The following SPATS1 variants were observed in gnomAD, a reference collection of about 807,000 sequenced individuals.
The protein encoded by SPATS1 is spermatogenesis-associated serine-rich protein 1.
SPATS1 carries 23 observed loss-of-function variants against 33.6 expected under a neutral mutation model. The ratio of observed to expected loss-of-function variants is 0.68; its 90% CI spans 0.49 to 0.97. SPATS1 has a LOEUF of 0.97. Among genes scored for constraint, SPATS1 ranks in the 50% least tolerant of loss-of-function variants. The pLI, the probability that SPATS1 is intolerant of heterozygous loss-of-function variation, is 0.00. For missense variants in SPATS1, 327 were observed against 361.0 expected (o/e 0.91, Z 0.76); for synonymous variants, 131 against 125.6 (o/e 1.04, Z -0.29).
At chr6:44,356,164 G>T (rs1007565583) in intron 3 of SPATS1, among the ~76,000 whole-genome samples, 3 of 152,206 alleles carry the variant, frequency 2.0e-5, no homozygotes, top group Non-Finnish European at 4.4e-5. Context: ...ATCCTTCTGT[G>T]TTCCTTGTCT....
rs1488119932 is a variant in SPATS1 at position 44,377,079 on chromosome 6, CA to C, written c.*20del. The C allele has an allele frequency of 3.1e-6, 5 of 1,614,072 alleles. No homozygotes were observed. The African/African-American group carries it at 6.7e-5, about 22-fold the overall frequency. On this transcript the variant is annotated 3_prime_UTR_variant, in exon 9 of 9. Coordinates refer to ENST00000674044, the MANE Select transcript of SPATS1 (RefSeq NM_001372081.1). The stretch of plus-strand genomic sequence containing the variant: ...ACAATCCTGAGCATAAACAGGCCCA[CA>C]AAACATGTGCTGACTGCACTCTGGC...
At chr6:44,371,121 C>T (rs555304051) in intron 7 of SPATS1, among the ~76,000 whole-genome samples, 1 of 151,302 alleles carries the variant, frequency 6.6e-6, no homozygotes, top group Non-Finnish European at 1.5e-5. Context: ...TAGTGAGACC[C>T]TATCTCTACA....
rs114150800 is a variant in SPATS1, at chr6:44,362,040, C to A, written c.574+48C>A. 3.1e-6 allele frequency: 5 copies of A among 1,611,194 alleles called. No individual in the cohort carries two copies. The South Asian group carries it at 4.4e-5, about 14-fold the overall frequency. ...GACTGTGCAGTCCCCGAAAAACTCT[C>A]GAGTCGTGATTCTATAGGCCCTGCA... On this transcript the variant is annotated intron_variant, in intron 5 of 8. Transcript: ENST00000674044.
intron 2 of SPATS1, 54 bp downstream of exon 2, chr6:44,343,288 T>C: frequency 1.0e-5 from 15 of 1,445,182 alleles, no homozygotes; most frequent in East Asian, 3.0e-5. Flanking sequence ...CCAAGTATAC[T>C]ACACCCGGGG....
intron 7 of SPATS1, among the ~76,000 whole-genome samples, chr6:44,372,581 C>A (rs916844499): frequency 2.0e-4 from 31 of 152,198 alleles, no homozygotes; most frequent in African/African-American, 7.5e-4. Context: ...CCTGCCTCAG[C>A]CTCCCGAGTG....
At chr6:44,365,649 C>A (rs1162139854) in intron 5 of SPATS1, among the ~76,000 whole-genome samples, 1 of 152,240 alleles carries the variant, frequency 6.6e-6, no homozygotes, top group African/African-American at 2.4e-5. Flanking sequence ...TGGCACATAT[C>A]ATCTCTGCTC....
chr6:44,355,095 G>A (rs1336843622), intron 3 of SPATS1, among the ~76,000 whole-genome samples: 2 of 152,146 alleles, frequency 1.3e-5, no homozygotes. Flanking sequence ...TGCTGGGCAT[G>A]AGCCACTGCT....
At chr6:44,352,686 T>G (rs1240947189) in intron 2 of SPATS1, 40 bp from the exon 3 acceptor site, 2 of 1,588,154 alleles carry the variant, frequency 1.3e-6, no homozygotes, top group South Asian at 2.2e-5. Flanking sequence ...GGAATGTATT[T>G]TCAATAATGT....
At chr6:44,368,265 A>C in intron 5 of SPATS1, 114 bp from the exon 6 acceptor site, 1 of 1,058,950 alleles carries the variant, frequency 9.4e-7, no homozygotes, top group Non-Finnish European at 1.3e-6. Flanking sequence ...ACTTCTATGT[A>C]ATTTATAATA....
In SPATS1 at chr6:44,352,725, G is replaced by C. The variant is rs774680442; in HGVS notation, c.140-1G>C. On this transcript the variant is annotated splice_acceptor_variant, in intron 2 of 8. Coordinates refer to ENST00000674044, the MANE Select transcript of SPATS1 (RefSeq NM_001372081.1). LOFTEE classifies it high-confidence loss of function. ...TAAATGGTGATATCTCTGTGTTACA[G>C]GTGCTAATTGCAGTGATTTTCTGGA... 1.9e-6 allele frequency: 3 copies of C among 1,613,744 alleles called. No individual in the cohort carries two copies. The highest frequency in any genetic ancestry group is 1.7e-5 in the Admixed American group (1 of 60,016).
rs140856207 is a variant in SPATS1 at position 44,374,393 on chromosome 6, T to A, written c.759-1965T>A. ...TGTGTCTTTTAGCATTATGAAAGTA[T>A]CTTTATTTTTCTCATTTAATACTTT... is the stretch of plus-strand genomic sequence containing the variant. On this transcript the variant is annotated intron_variant, in intron 7 of 8. Coordinates refer to ENST00000674044, the MANE Select transcript of SPATS1 (RefSeq NM_001372081.1). Among the ~76,000 whole-genome samples, 584 of 152,346 alleles carry A rather than the reference T, an allele frequency of 3.8e-3. 1 individual carries two copies. The highest frequency in any genetic ancestry group is 5.9e-3 in the Admixed American group (91 of 15,300).
intron 1 of SPATS1, 144 bp downstream of exon 1, chr6:44,342,912 TC>T: frequency 3.2e-6 from 4 of 1,243,978 alleles, no homozygotes; most frequent in Non-Finnish European, 4.4e-6. Context: ...TCGCTGGGGC[TC>T]CCAGGGCTTC....
chr6:44,344,390 CGTGTGT>C (rs70993448), intron 2 of SPATS1, among the ~76,000 whole-genome samples: 29 of 145,602 alleles, frequency 2.0e-4, no homozygotes, highest in Admixed American at 8.2e-4. Context: ...ATTGAAGATA[CGTGTGT>C]GTGTGTGTGT....
rs181135339 is a variant in SPATS1 at position 44,362,218 on chromosome 6, A to G, written c.574+226A>G. ...ACATTTTCTTTTTTCTCTGAATTTCATAAAATGCAAATGTGACATTTAAGT... is the reference window on the plus strand; with the variant it reads ...ACATTTTCTTTTTTCTCTGAATTTCGTAAAATGCAAATGTGACATTTAAGT... On this transcript the variant is annotated intron_variant, in intron 5 of 8. Transcript: ENST00000674044. 9.8e-5 allele frequency among the ~76,000 whole-genome samples: 15 copies of G among 152,358 alleles called. No homozygotes were observed. The East Asian group carries it at 2.7e-3, about 27-fold the overall frequency.
chr6:44,343,008 ATTTG>A (rs774767999), intron 1 of SPATS1, 84 bp from the exon 2 acceptor site: 776 of 1,526,680 alleles, frequency 5.1e-4, no homozygotes, highest in Admixed American at 1.5e-3. Context: ...GGCTTGTGGA[ATTTG>A]TTTGTTTTGA....
chr6:44,374,434 C>T (rs1789811584), intron 7 of SPATS1, among the ~76,000 whole-genome samples: 2 of 152,100 alleles, frequency 1.3e-5, no homozygotes, highest in African/African-American at 4.8e-5. Flanking sequence ...CTAAAGTATA[C>T]CTAGCCAGTT....
chr6:44,348,202 T>C (rs528758365), intron 2 of SPATS1, among the ~76,000 whole-genome samples: 1 of 152,124 alleles, frequency 6.6e-6, no homozygotes, highest in South Asian at 2.1e-4. Context: ...AGAGACGGAG[T>C]TTCACCATGT....
Position 44,342,779 on chromosome 6 carries a change from G to A in SPATS1, c.-1+11G>A, listed in dbSNP as rs1310831985. ...CCAGTTGGTTCGTTGGTCCGTGGAGGCCTCTGAGCACAGACCCGGGCCTCC... is the reference window on the plus strand; with the variant it reads ...CCAGTTGGTTCGTTGGTCCGTGGAGACCTCTGAGCACAGACCCGGGCCTCC... On this transcript the variant is annotated intron_variant, in intron 1 of 8. Coordinates refer to ENST00000674044, the MANE Select transcript of SPATS1 (RefSeq NM_001372081.1). 1.9e-6 allele frequency: 1 copy of A among 531,046 alleles called. No homozygotes were observed. The highest frequency in any genetic ancestry group is 2.3e-5 in the Admixed American group (1 of 43,688). The allele number at this position is 531,046 out of a possible 1,614,324, so 32.9% of individuals were successfully genotyped here. A position where few individuals can be genotyped will look rare whatever the true frequency, so the allele number is the denominator to read the frequency against.
chr6:44,374,685 T>C (rs1049856536), intron 7 of SPATS1, among the ~76,000 whole-genome samples: 3 of 152,222 alleles, frequency 2.0e-5, no homozygotes, highest in Non-Finnish European at 4.4e-5. Flanking sequence ...CTGTATTACA[T>C]TTAGTGTGAG....
Sources: allele counts gnomAD v4.1 joint callset (sites outside exome capture counted in the v4.1 genomes callset), GRCh38; gene constraint gnomAD v4.1.1; transcripts MANE v1.5; gene names NCBI Gene and HGNC (gene_info 2026-07-23, HGNC 2026-07-21).